The following VPS13C variants were observed in gnomAD, a reference collection of about 807,000 sequenced individuals.
VPS13C encodes the protein vacuolar protein sorting 13 homolog C, also known as intermembrane lipid transfer protein VPS13C.
In VPS13C, 358 loss-of-function variants were observed where a neutral mutation model predicts 456.8. The ratio of observed to expected loss-of-function variants is 0.78; its 90% CI spans 0.72 to 0.86. VPS13C has a LOEUF of 0.86. Ranked by LOEUF, VPS13C falls within the 40% of genes least tolerant of loss-of-function variation. VPS13C has a pLI of 0.00. For synonymous variants in VPS13C, 1,578 were observed against 1,486.7 expected (o/e 1.06, Z -1.41); for missense variants, 4,818 against 4,385.4 (o/e 1.10, Z -2.79).
chr15:61,925,455 C>A lies in VPS13C; in HGVS notation c.6609+1G>T. 6.5e-7 allele frequency: 1 copy of A among 1,533,676 alleles called. No individual in the cohort carries two copies. Reference sequence around the variant, plus strand: ...ACTCAAAGAATATGGTAAGTACTAACCTTAATTATAAATTCTTTAACCATA... The same window carrying A: ...ACTCAAAGAATATGGTAAGTACTAAACTTAATTATAAATTCTTTAACCATA... On this transcript the variant is annotated splice_donor_variant, in intron 53 of 84. Coordinates refer to ENST00000644861, the MANE Select transcript of VPS13C (RefSeq NM_020821.3). LOFTEE classifies it high-confidence loss of function.
At chr15:62,000,856 A>T (rs1377131428) in intron 15 of VPS13C, among the ~76,000 whole-genome samples, 3 of 152,106 alleles carry the variant, frequency 2.0e-5, no homozygotes, top group African/African-American at 7.2e-5. Context: ...TATGAAAATA[A>T]TTTTTCTGTG....
rs1380974969 is a variant in VPS13C, at chr15:61,969,291, G to A, written c.2911+8C>T. The A allele has an allele frequency of 6.4e-7, 1 of 1,566,854 alleles. No individual in the cohort carries two copies. Among genetic ancestry groups the A allele is most frequent in the South Asian group, 1.2e-5 (1 of 83,976 alleles). On this transcript the variant is annotated splice_region_variant and intron_variant, in intron 28 of 84. Coordinates refer to ENST00000644861, the MANE Select transcript of VPS13C (RefSeq NM_020821.3). ...ATAGGCTATTATTTCTATTTTTATG[G>A]GTATTACCTTCAATTTCATGATAAT...
At chr15:61,968,273 TA>T (rs1228423440) in intron 28 of VPS13C, among the ~76,000 whole-genome samples, 3 of 151,660 alleles carry the variant, frequency 2.0e-5, no homozygotes, top group Non-Finnish European at 2.9e-5. Context: ...ATTGAAATAT[TA>T]AAAAAAATTA....
At chr15:61,949,684 C>T in intron 41 of VPS13C, 79 bp from the exon 42 acceptor site, 1 of 1,390,650 alleles carries the variant, frequency 7.2e-7, no homozygotes. Flanking sequence ...ATATAAGTAG[C>T]ACAAGAACAG....
Position 61,977,193 on chromosome 15 carries a change from G to C in VPS13C, c.2297C>G (p.Thr766Ser), listed in dbSNP as rs115290371. The part of the protein sequence containing the change: ...VQLLFARAEE[T>S]WKKCRFQHPS... Reference sequence around the variant, plus strand: ...ATGCTGAAATCGACACTTTTTCCAGGTTTCCTCTTTAAAAAATAATTTAAG... The same window carrying C: ...ATGCTGAAATCGACACTTTTTCCAGCTTTCCTCTTTAAAAAATAATTTAAG... The change falls in exon 24 of 85, where the codon ACC becomes AGC. Residue 766 changes from threonine (T) to serine (S), a missense_variant. Physicochemically the swap from Thr to Ser is moderately conservative, Grantham distance 58. Transcript: ENST00000644861. 1 of 1,535,892 alleles carries C rather than the reference G, an allele frequency of 6.5e-7. No homozygotes were observed. Among genetic ancestry groups the C allele is most frequent in the Non-Finnish European group, 8.7e-7 (1 of 1,146,048 alleles).
chr15:62,013,185 A>G, intron 10 of VPS13C, 66 bp from the exon 11 acceptor site: 2 of 1,225,814 alleles, frequency 1.6e-6, no homozygotes, highest in Non-Finnish European at 2.3e-6. Context: ...ATATTAAAAG[A>G]TTATTCTCAT....
At chr15:61,966,883 A>G (rs1396212211) in intron 29 of VPS13C, among the ~76,000 whole-genome samples, 1 of 152,012 alleles carries the variant, frequency 6.6e-6, no homozygotes, top group Non-Finnish European at 1.5e-5. Flanking sequence ...ATCCAGAAGT[A>G]TTCAATAAAT....
chr15:61,974,448 G>C (rs1432069586), intron 24 of VPS13C, 31 bp from the exon 25 acceptor site: 1 of 1,605,022 alleles, frequency 6.2e-7, no homozygotes, highest in South Asian at 1.1e-5. Flanking sequence ...TTTTAAGTCA[G>C]CATCTCTACA....
intron 66 of VPS13C, among the ~76,000 whole-genome samples, chr15:61,906,013 A>G (rs561697319): frequency 1.3e-5 from 2 of 152,182 alleles, no homozygotes; most frequent in African/African-American, 4.8e-5. Context: ...TTTCAGAGGT[A>G]TAACTACCTT....
chr15:62,010,381 A>C (rs1326797821), intron 13 of VPS13C, 91 bp downstream of exon 13: 12 of 1,329,138 alleles, frequency 9.0e-6, no homozygotes, highest in Non-Finnish European at 9.8e-7. Flanking sequence ...AACCCCAAAA[A>C]ACCACCAACC....
rs986845872 is a variant in VPS13C at position 61,890,151 on chromosome 15, T to C, written c.9341+14A>G. On this transcript the variant is annotated intron_variant, in intron 67 of 84. Coordinates refer to ENST00000644861, the MANE Select transcript of VPS13C (RefSeq NM_020821.3). Reference sequence around the variant, plus strand: ...TTTAAAGGTTTAGGATGTCTTATTTTCCTTCTTGCATACCTGGTTATCCCA... The same window carrying C: ...TTTAAAGGTTTAGGATGTCTTATTTCCCTTCTTGCATACCTGGTTATCCCA... 10 of 1,612,526 alleles carry C rather than the reference T, an allele frequency of 6.2e-6. No homozygotes were observed. The Admixed American group carries it at 1.3e-4, about 22-fold the overall frequency.
intron 66 of VPS13C, among the ~76,000 whole-genome samples, chr15:61,901,600 A>C (rs1244181333): frequency 1.8e-4 from 27 of 152,178 alleles, no homozygotes; most frequent in Middle Eastern, 3.2e-3. Context: ...ATCATTAAAA[A>C]GTCAGGAAAC....
intron 61 of VPS13C, among the ~76,000 whole-genome samples, chr15:61,915,051 C>G (rs1325045718): frequency 6.6e-6 from 1 of 151,768 alleles, no homozygotes; most frequent in Non-Finnish European, 1.5e-5. Context: ...AAAGGATGAA[C>G]AGCAGATATC....
At chr15:61,993,355 A>AT (rs2046283926) in intron 16 of VPS13C, among the ~76,000 whole-genome samples, 1 of 151,860 alleles carries the variant, frequency 6.6e-6, no homozygotes, top group African/African-American at 2.4e-5. Context: ...TAGATAATAT[A>AT]TTTTTTTACA....
intron 53 of VPS13C, among the ~76,000 whole-genome samples, chr15:61,923,563 G>C (rs1215514735): frequency 6.6e-6 from 1 of 151,992 alleles, no homozygotes; most frequent in Non-Finnish European, 1.5e-5. Context: ...TTAATGTGCA[G>C]AGCTCTTTGT....
Position 62,000,615 on chromosome 15 carries a change from C to G in VPS13C, c.1302G>C (p.Lys434Asn). Reference sequence around the variant, plus strand: ...AAATTATGTTAAAAACATCTAGAGTCTTCTCCAAGTCCTGTAAAAAACAGA... The same window carrying G: ...AAATTATGTTAAAAACATCTAGAGTGTTCTCCAAGTCCTGTAAAAAACAGA... ...EIQKEIQDLE[K>N]TLDVFNIILA... The change falls in exon 16 of 85, where the codon AAG becomes AAC. Residue 434 changes from lysine (K) to asparagine (N), a missense_variant. Physicochemically the swap from Lys to Asn is moderately conservative, Grantham distance 94 (BLOSUM62 0). Coordinates refer to ENST00000644861, the MANE Select transcript of VPS13C (RefSeq NM_020821.3). The G allele has an allele frequency of 1.2e-6, 2 of 1,604,624 alleles. No individual in the cohort carries two copies. Among genetic ancestry groups the G allele is most frequent in the Non-Finnish European group, 1.7e-6 (2 of 1,177,034 alleles).
chr15:61,935,275 G>A (rs1361509149), intron 48 of VPS13C, among the ~76,000 whole-genome samples: 4 of 151,962 alleles, frequency 2.6e-5, no homozygotes, highest in Admixed American at 6.6e-5. Flanking sequence ...TCACTCTTAC[G>A]GACTGATTCT....
chr15:61,909,348 C>T (rs1279814193), intron 64 of VPS13C, among the ~76,000 whole-genome samples: 1 of 152,186 alleles, frequency 6.6e-6, no homozygotes, highest in Admixed American at 6.5e-5. Flanking sequence ...GCTGGGATTA[C>T]AGGCATGTGC....
In VPS13C at chr15:61,925,443, G is replaced by A. The variant is rs1432174471; in HGVS notation, c.6609+13C>T. The A allele has an allele frequency of 6.9e-7, 1 of 1,458,180 alleles. No homozygotes were observed. The allele number at this position is 1,458,180 out of a possible 1,614,324, so 90.3% of individuals were successfully genotyped here. ...ATAAGAATTTTCACTCAAAGAATAT[G>A]GTAAGTACTAACCTTAATTATAAAT... On this transcript the variant is annotated intron_variant, in intron 53 of 84. Transcript: ENST00000644861.
Sources: allele counts gnomAD v4.1 joint callset (sites outside exome capture counted in the v4.1 genomes callset), GRCh38; gene constraint gnomAD v4.1.1; transcripts MANE v1.5; gene names NCBI Gene and HGNC (gene_info 2026-07-23, HGNC 2026-07-21).